TMEM44: variants seen among roughly 807,000 people sequenced by gnomAD.
The protein encoded by TMEM44 is transmembrane protein 44.
In TMEM44, 43 loss-of-function variants were observed where a neutral mutation model predicts 47.8. That is an observed-to-expected ratio of 0.90 (90% CI 0.70 to 1.16). The LOEUF (loss-of-function observed/expected upper bound fraction) is 1.16, where lower values mean the gene tolerates loss of function less well. Among genes scored for constraint, TMEM44 ranks in the 50% most tolerant of loss-of-function variants. The pLI is 0.00. For missense variants in TMEM44, 568 were observed against 555.2 expected, an observed-to-expected ratio of 1.02 and a Z score of -0.23; for synonymous variants, 277 against 238.8, an observed-to-expected ratio of 1.16 and a Z score of -1.48.
chr3:194,624,199 T>C (rs893492239), intron 3 of TMEM44, among the ~76,000 whole-genome samples: 1 of 152,194 alleles, frequency 6.6e-6, no homozygotes, highest in Non-Finnish European at 1.5e-5. Flanking sequence ...CAATTCTGTT[T>C]ATTTTTTCTT....
intron 2 of TMEM44, among the ~76,000 whole-genome samples, chr3:194,627,044 G>A (rs2794671): frequency 7.2e-5 from 11 of 151,754 alleles, no homozygotes; most frequent in Non-Finnish European, 1.3e-4. Context: ...GCCTCAGCCC[G>A]CTGAGTAGCT....
chr3:194,588,778 G>A lies in TMEM44; in HGVS notation c.1177-139C>T, dbSNP rs1008720795. Reference sequence around the variant, plus strand: ...GACAAGGACAAAAGGGTAAGGACAAGTTACCCAGGCCTGTGTTTCTGGGAC... The same window carrying A: ...GACAAGGACAAAAGGGTAAGGACAAATTACCCAGGCCTGTGTTTCTGGGAC... On this transcript the variant is annotated intron_variant, in intron 9 of 9. Coordinates refer to ENST00000347147, the MANE Select transcript of TMEM44 (RefSeq NM_001011655.3). 6 of 782,102 alleles carry A rather than the reference G, an allele frequency of 7.7e-6. No homozygotes were observed. In the African/African-American group the frequency reaches 1.0e-4, roughly 13 times the overall value. The allele number at this position is 782,102 out of a possible 1,614,324, so 48.4% of individuals were successfully genotyped here.
At chr3:194,630,940 C>T (rs1374211256) in intron 1 of TMEM44, among the ~76,000 whole-genome samples, 2 of 140,544 alleles carry the variant, frequency 1.4e-5, no homozygotes. Context: ...GCACATGCCT[C>T]CTGGAGGGGC....
chr3:194,599,888 T>C (rs1284108056), intron 9 of TMEM44, among the ~76,000 whole-genome samples: 1 of 151,680 alleles, frequency 6.6e-6, no homozygotes, highest in Non-Finnish European at 1.5e-5. Context: ...GCCTCCCGAG[T>C]AGCTGGGATT....
Position 194,588,632 on chromosome 3 carries a change from G to A in TMEM44, c.1184C>T (p.Pro395Leu). 1 of 1,614,110 alleles carries A rather than the reference G, an allele frequency of 6.2e-7. No homozygotes were observed. The highest frequency in any genetic ancestry group is 1.3e-5 in the African/African-American group (1 of 75,036). Residue 395 changes from proline to leucine, a missense_variant, in exon 10 of 10, where the codon CCT becomes CTT. Physicochemically the swap from Pro to Leu is moderately conservative, Grantham distance 98 (BLOSUM62 -3). Coordinates refer to ENST00000347147, the MANE Select transcript of TMEM44 (RefSeq NM_001011655.3). ...GCTGCCTTCGAGGTTCACATCTTCA[G>A]GGTCCCACTATGGAGAAAAGATGCA... ...SSINSDLEWD[P>L]EDVNLEGSKE... is the part of the protein sequence containing the mutation.
At position 194,587,928 on chromosome 3, in the gene TMEM44, G is replaced by A. The variant is rs188773838; in HGVS notation, c.*601C>T. On this transcript the variant is annotated 3_prime_UTR_variant, in exon 10 of 10. Transcript: ENST00000347147. ...AGGTTGGAGGAAGTCCTGGTACCCGGAGCAGTTTGCTTTGTTTTTGCAGTG... is the reference window on the plus strand; with the variant it reads ...AGGTTGGAGGAAGTCCTGGTACCCGAAGCAGTTTGCTTTGTTTTTGCAGTG... 6.5e-6 allele frequency: 1 copy of A among 152,772 alleles called. No individual in the cohort carries two copies. The highest frequency in any genetic ancestry group is 1.5e-5 in the Non-Finnish European group (1 of 68,384). The allele number at this position is 152,772 out of a possible 1,614,324, so 9.5% of individuals were successfully genotyped here. A position where few individuals can be genotyped will look rare whatever the true frequency, so the allele number is the denominator to read the frequency against.
intron 3 of TMEM44, among the ~76,000 whole-genome samples, chr3:194,624,936 G>A (rs540641937): frequency 2.6e-5 from 4 of 151,206 alleles, no homozygotes; most frequent in East Asian, 2.0e-4. Flanking sequence ...GGCTGGTCTC[G>A]AACTCCTGAC....
At chr3:194,632,994 C>T (rs1333661635) in intron 1 of TMEM44, 85 bp downstream of exon 1, 6 of 1,499,374 alleles carry the variant, frequency 4.0e-6, no homozygotes, top group Non-Finnish European at 5.4e-6. Flanking sequence ...CTTTCCGCCC[C>T]CTCCTCTAGG....
At chr3:194,596,235 T>C (rs1344248580) in intron 9 of TMEM44, among the ~76,000 whole-genome samples, 2 of 152,060 alleles carry the variant, frequency 1.3e-5, no homozygotes, top group African/African-American at 2.4e-5. Context: ...CTGTATTCCC[T>C]GCAGGACGGA....
intron 1 of TMEM44, among the ~76,000 whole-genome samples, chr3:194,632,692 T>C (rs1717944267): frequency 6.6e-6 from 1 of 152,190 alleles, no homozygotes; most frequent in Non-Finnish European, 1.5e-5. Flanking sequence ...GCTTTAACGG[T>C]ACTGATTCAT....
intron 6 of TMEM44, 46 bp downstream of exon 6, chr3:194,617,053 C>T: frequency 6.9e-7 from 1 of 1,442,434 alleles, no homozygotes; most frequent in Non-Finnish European, 9.1e-7. Flanking sequence ...AGACACAGGC[C>T]TCCTCTGGCT....
intron 1 of TMEM44, among the ~76,000 whole-genome samples, chr3:194,632,295 G>A (rs1252877734): frequency 6.6e-6 from 1 of 152,202 alleles, no homozygotes; most frequent in African/African-American, 2.4e-5. Context: ...ACGACCAAAC[G>A]CCTTAGGAGA....
intron 9 of TMEM44, among the ~76,000 whole-genome samples, chr3:194,594,117 T>TTCTATCTATCTATCTA (rs370424904): frequency 2.2e-4 from 19 of 85,558 alleles, no homozygotes; most frequent in East Asian, 4.7e-4. Flanking sequence ...TGGCCTAATT[T>TTCTATCTATCTATCTA]TCTATCTATC....
chr3:194,621,286 C>T (rs997980138), intron 5 of TMEM44, among the ~76,000 whole-genome samples: 3 of 152,190 alleles, frequency 2.0e-5, no homozygotes, highest in African/African-American at 4.8e-5. Flanking sequence ...CCTTCCCTGG[C>T]GCCTGCAGAG....
chr3:194,623,482 C>A, intron 4 of TMEM44, 47 bp downstream of exon 4: 1 of 1,537,382 alleles, frequency 6.5e-7, no homozygotes, highest in South Asian at 1.2e-5. Flanking sequence ...GGGCATTTGG[C>A]AGGACATGCA....
chr3:194,624,524 T>A (rs1368704823), intron 3 of TMEM44, among the ~76,000 whole-genome samples: 1 of 152,044 alleles, frequency 6.6e-6, no homozygotes, highest in Non-Finnish European at 1.5e-5. Context: ...GCTCAAGTGA[T>A]CCTCCCACCT....
At chr3:194,588,860 T>A (rs1412842372) in intron 9 of TMEM44, among the ~76,000 whole-genome samples, 1 of 152,068 alleles carries the variant, frequency 6.6e-6, no homozygotes, top group Non-Finnish European at 1.5e-5. Context: ...ACCCTAAACA[T>A]AACAGCTTCA....
At chr3:194,623,403 C>T (rs1313690146) in intron 4 of TMEM44, 93 bp from the exon 5 acceptor site, 2 of 1,509,422 alleles carry the variant, frequency 1.3e-6, no homozygotes, top group Non-Finnish European at 1.8e-6. Flanking sequence ...TCCTTTTCTG[C>T]TTTTAGAGGG....
rs572812247 is a variant in TMEM44 at position 194,630,611 on chromosome 3, G to A, written c.138-2102C>T. ...CCCGAAGGGGCTGGCTGTTTCCATC[G>A]GCGTCACTGATAGGGCCCCTGAAAT... On this transcript the variant is annotated intron_variant, in intron 1 of 9. Transcript: ENST00000347147. Among the ~76,000 whole-genome samples the A allele has an allele frequency of 1.8e-3, 183 of 103,442 alleles. 1 individual carries two copies. Among genetic ancestry groups the A allele is most frequent in the African/African-American group, 7.9e-3 (169 of 21,344 alleles). 67.9% of individuals were successfully genotyped at this position (103,442 alleles called of 152,430 possible).
Sources: gnomAD v4.1 joint callset for allele counts (sites outside exome capture counted in the v4.1 genomes callset) on GRCh38, gnomAD v4.1.1 for gene constraint, MANE v1.5 for transcripts, NCBI Gene and HGNC (gene_info 2026-07-23, HGNC 2026-07-21) for gene names.